Variants in TOGARAM2 observed in about 807,000 individuals in gnomAD.
TOGARAM2 encodes the protein TOG array regulator of axonemal microtubules 2.
In TOGARAM2, 85 loss-of-function variants were observed where a neutral mutation model predicts 93.3. The ratio of observed to expected loss-of-function variants is 0.91; its 90% CI spans 0.76 to 1.09. The LOEUF (loss-of-function observed/expected upper bound fraction) is 1.09. Among genes scored for constraint, TOGARAM2 ranks in the 50% least tolerant of loss-of-function variants. TOGARAM2 has a pLI of 0.00. For missense variants in TOGARAM2, 1,277 were observed against 1,334.5 expected (o/e 0.96, Z 0.67); for synonymous variants, 593 against 552.8 (o/e 1.07, Z -1.02).
intron 14 of TOGARAM2, among the ~76,000 whole-genome samples, chr2:29,028,558 T>G (rs1251373423): frequency 6.6e-6 from 1 of 152,192 alleles, no homozygotes. Context: ...TTTAGAGTGC[T>G]TTGACCCCCT....
Position 28,966,388 on chromosome 2 carries a change from C to G in TOGARAM2, c.-147+9691C>G, listed in dbSNP as rs192833770. Among the ~76,000 whole-genome samples, 205 of 152,246 alleles carry G rather than the reference C, an allele frequency of 1.3e-3. 2 individuals carry two copies. Among genetic ancestry groups the G allele is most frequent in the Non-Finnish European group, 2.1e-3 (142 of 68,006 alleles). ...TCTCAGCTCACTGCAATCTCCACCT[C>G]CGGCGTTCAAGCGATTCTCCTGCCT... On this transcript the variant is annotated intron_variant, in intron 1 of 6. Coordinates refer to the TOGARAM2 transcript ENST00000401723.
Position 29,051,749 on chromosome 2 carries a change from C to T in TOGARAM2, c.2723-7C>T. The T allele has an allele frequency of 2.0e-6, 3 of 1,480,366 alleles. No individual in the cohort carries two copies. Among genetic ancestry groups the T allele is most frequent in the Non-Finnish European group, 2.7e-6 (3 of 1,106,804 alleles). The allele number at this position is 1,480,366 out of a possible 1,614,324, so 91.7% of individuals were successfully genotyped here. A position where few individuals can be genotyped will look rare whatever the true frequency, so the allele number is the denominator to read the frequency against. On this transcript the variant is annotated splice_region_variant and splice_polypyrimidine_tract_variant and intron_variant, in intron 19 of 19. Coordinates refer to ENST00000379558, the MANE Select transcript of TOGARAM2 (RefSeq NM_199280.4). ...GGCTCAAGTGACTCTCCTTTTCTGC[C>T]TGACAGTGCTGGTGGCCTCAGTTTA...
chr2:28,983,777 CT>C lies in TOGARAM2; in HGVS notation c.-111+2240del, dbSNP rs1572629957. Among the ~76,000 whole-genome samples, 3 of 152,314 alleles carry C rather than the reference CT, an allele frequency of 2.0e-5. No homozygotes were observed. In the East Asian group the frequency reaches 5.8e-4, roughly 29 times the overall value. On this transcript the variant is annotated intron_variant, in intron 1 of 19. Transcript: ENST00000379558. The stretch of plus-strand genomic sequence containing the variant: ...TGCCCATTTGCATCTCACCTGCCAG[CT>C]GTCATGAGTGCTCCCATTGCTCTGT...
intron 19 of TOGARAM2, chr2:29,050,158 C>G (rs1465399211): frequency 6.6e-6 from 1 of 152,042 alleles, no homozygotes; most frequent in Non-Finnish European, 1.5e-5. Context: ...TCAAGACCAG[C>G]CTGGGTAACA....
chr2:29,047,304 T>C (rs1421331388), intron 19 of TOGARAM2: 1 of 152,248 alleles, frequency 6.6e-6, no homozygotes, highest in Non-Finnish European at 1.5e-5. Context: ...ATTTTCTGCA[T>C]GAAAGGTTTA....
chr2:28,963,480 T>C (rs1240966387), intron 1 of TOGARAM2, among the ~76,000 whole-genome samples: 1 of 152,122 alleles, frequency 6.6e-6, no homozygotes, highest in African/African-American at 2.4e-5. Flanking sequence ...TCTCAAATGA[T>C]CCTCCTGCCT....
At chr2:29,044,134 A>G (rs112101346) in intron 18 of TOGARAM2, among the ~76,000 whole-genome samples, 1 of 152,362 alleles carries the variant, frequency 6.6e-6, no homozygotes, top group African/African-American at 2.4e-5. Context: ...CTGGGCAGCC[A>G]GGGAGCTGCG....
chr2:29,025,663 G>A (rs535358856), intron 13 of TOGARAM2, among the ~76,000 whole-genome samples: 69 of 152,310 alleles, frequency 4.5e-4, no homozygotes, highest in African/African-American at 1.7e-3. Flanking sequence ...GTCCCCCACT[G>A]TGTTCCACTG....
At chr2:28,964,958 A>G (rs983017264) in intron 1 of TOGARAM2, among the ~76,000 whole-genome samples, 2 of 152,104 alleles carry the variant, frequency 1.3e-5, no homozygotes, top group African/African-American at 4.8e-5. Context: ...ATATGCGTGT[A>G]TGTATCTTTA....
chr2:28,983,570 A>C (rs1269395681), intron 1 of TOGARAM2, among the ~76,000 whole-genome samples: 1 of 151,962 alleles, frequency 6.6e-6, no homozygotes, highest in Non-Finnish European at 1.5e-5. Context: ...TTGGACATTT[A>C]GATTTTTTCC....
chr2:28,964,772 G>T (rs915178497), intron 1 of TOGARAM2, among the ~76,000 whole-genome samples: 1 of 152,034 alleles, frequency 6.6e-6, no homozygotes, highest in Admixed American at 6.6e-5. Context: ...GGTTTGCTGA[G>T]GATAATGGCT....
intron 1 of TOGARAM2, among the ~76,000 whole-genome samples, chr2:28,986,037 TG>T (rs1672449125): frequency 6.8e-6 from 1 of 146,250 alleles, no homozygotes; most frequent in Non-Finnish European, 1.5e-5. Flanking sequence ...TGCTTGAACC[TG>T]GGAGGTGGAG....
chr2:28,990,970 C>T (rs1045202957), intron 1 of TOGARAM2, among the ~76,000 whole-genome samples: 10 of 102,180 alleles, frequency 9.8e-5, no homozygotes, highest in Non-Finnish European at 1.5e-4. Context: ...TATGGACATG[C>T]GAGTGTGTGT....
chr2:28,992,786 G>A (rs1672798404), intron 1 of TOGARAM2, among the ~76,000 whole-genome samples: 1 of 152,210 alleles, frequency 6.6e-6, no homozygotes, highest in Non-Finnish European at 1.5e-5. Context: ...AAGGCTGGGT[G>A]TGGTGGCTCA....
intron 1 of TOGARAM2, among the ~76,000 whole-genome samples, chr2:28,959,349 A>G (rs1671767474): frequency 6.6e-6 from 1 of 152,254 alleles, no homozygotes; most frequent in Non-Finnish European, 1.5e-5. Context: ...GACTTTGTCC[A>G]TGAAATCCAG....
rs1215977830 is a variant in TOGARAM2 at position 28,999,289 on chromosome 2, G to C, written c.248G>C (p.Gly83Ala). The change falls in exon 4 of 20, where the codon GGC becomes GCC. Residue 83 changes from glycine to alanine, a missense_variant. Physicochemically the swap from Gly to Ala is moderately conservative, Grantham distance 60. Coordinates refer to ENST00000379558, the MANE Select transcript of TOGARAM2 (RefSeq NM_199280.4). ...GGLKLDTPSK[G>A]WQARNGHPRN... ...CTCAAGCTGGACACCCCTTCCAAGG[G>C]CTGGCAGGCAAGGAATGGTCACCCC... The C allele has an allele frequency of 1.2e-6, 2 of 1,613,766 alleles. No homozygotes were observed. Among genetic ancestry groups the C allele is most frequent in the Non-Finnish European group, 1.7e-6 (2 of 1,179,832 alleles).
chr2:28,972,659 A>G (rs1010111297), intron 1 of TOGARAM2: 4 of 152,242 alleles, frequency 2.6e-5, no homozygotes, highest in East Asian at 3.9e-4. Flanking sequence ...GGAGATTCCC[A>G]CTGGCTCTGG....
Position 29,024,367 on chromosome 2 carries a change from G to C in TOGARAM2, c.1846G>C (p.Gly616Arg), listed in dbSNP as rs76459983. The change falls in exon 13 of 20, where the codon GGT becomes CGT. Residue 616 changes from glycine (G) to arginine (R), a missense_variant. Gly to Arg is a moderately radical substitution (Grantham distance 125). Coordinates refer to ENST00000379558, the MANE Select transcript of TOGARAM2 (RefSeq NM_199280.4). ...CTCCCTGGTGGTCCTCACCTCGGCG[G>C]GTGTCTAGTATGTGGCTGCCTGTTG... ...ARSLVVLTSA[G>R]VYHRNPLIRK... The C allele has an allele frequency of 6.2e-7, 1 of 1,603,730 alleles. No homozygotes were observed. The highest frequency in any genetic ancestry group is 8.5e-7 in the Non-Finnish European group (1 of 1,175,246).
At chr2:29,000,044 A>G (rs145402076) in intron 4 of TOGARAM2, among the ~76,000 whole-genome samples, 175 of 152,114 alleles carry the variant, frequency 1.2e-3, no homozygotes, top group African/African-American at 3.7e-3. Context: ...TGACTCCCCA[A>G]TGTGAGTTTG....
Sources: gnomAD v4.1 joint callset for allele counts (sites outside exome capture counted in the v4.1 genomes callset) on GRCh38, gnomAD v4.1.1 for gene constraint, MANE v1.5 for transcripts, NCBI Gene and HGNC (gene_info 2026-07-23, HGNC 2026-07-21) for gene names.